SLC8A1: variants seen among roughly 807,000 people sequenced by gnomAD.
The protein encoded by SLC8A1 is solute carrier family 8 member A1.
SLC8A1 carries 18 observed loss-of-function variants against 68.3 expected under a neutral mutation model. The observed-to-expected ratio is 0.26, with a 90% CI of 0.18 to 0.39. SLC8A1 has a LOEUF of 0.39. Ranked by LOEUF, SLC8A1 falls within the 10% of genes least tolerant of loss-of-function variation. SLC8A1 has a pLI of 1.00. For synonymous variants in SLC8A1, 475 were observed against 415.5 expected, an observed-to-expected ratio of 1.14 and a Z score of -1.74; for missense variants, 985 against 1,156.7, an observed-to-expected ratio of 0.85 and a Z score of 2.15.
intron 2 of SLC8A1, among the ~76,000 whole-genome samples, chr2:40,256,619 C>G (rs2063964937): frequency 6.6e-6 from 1 of 152,084 alleles, no homozygotes; most frequent in Admixed American, 6.6e-5. Flanking sequence ...TGCTAAGTAG[C>G]TTCATTTTGT....
chr2:40,103,108 C>T (rs1268507681), exon 8 of SLC8A1: 1 of 152,142 alleles, frequency 6.6e-6, no homozygotes, highest in Non-Finnish European at 1.5e-5. Context: ...GAATATATTA[C>T]TGCTATGAAG....
At chr2:40,352,974 CACTT>C (rs1384686287) in intron 2 of SLC8A1, among the ~76,000 whole-genome samples, 1 of 152,102 alleles carries the variant, frequency 6.6e-6, no homozygotes, top group East Asian at 1.9e-4. Flanking sequence ...GCATAACTCT[CACTT>C]ACGGAAGGTC....
At chr2:40,202,956 T>C (rs1175486716) in intron 2 of SLC8A1, among the ~76,000 whole-genome samples, 1 of 151,870 alleles carries the variant, frequency 6.6e-6, no homozygotes, top group East Asian at 1.9e-4. Flanking sequence ...TTAAAAAGTG[T>C]CCCTGTGATA....
intron 2 of SLC8A1, among the ~76,000 whole-genome samples, chr2:40,273,241 C>T (rs1301492073): frequency 6.6e-6 from 1 of 151,824 alleles, no homozygotes; most frequent in African/African-American, 2.4e-5. Context: ...ATGCCTGGCC[C>T]TCCAAATACT....
intron 4 of SLC8A1, among the ~76,000 whole-genome samples, chr2:40,165,654 G>A (rs2046423900): frequency 1.3e-5 from 2 of 152,170 alleles, no homozygotes; most frequent in South Asian, 4.1e-4. Flanking sequence ...AAACAGGGAG[G>A]GCGAGGGTGA....
chr2:40,452,052 T>G (rs540534549), exon 1 of SLC8A1: 24 of 150,952 alleles, frequency 1.6e-4, no homozygotes, highest in African/African-American at 5.3e-4. Flanking sequence ...GGCGGCGGGC[T>G]GACTACCGTG....
chr2:40,286,347 A>C (rs1338013652), intron 2 of SLC8A1, among the ~76,000 whole-genome samples: 2 of 152,226 alleles, frequency 1.3e-5, no homozygotes, highest in African/African-American at 2.4e-5. Context: ...AGACCAGGAT[A>C]TGAAAGACAG....
chr2:40,179,589 A>T (rs965670849), intron 2 of SLC8A1, among the ~76,000 whole-genome samples: 2 of 152,246 alleles, frequency 1.3e-5, no homozygotes, highest in Non-Finnish European at 2.9e-5. Context: ...TTCCAGTAAC[A>T]TTGGCCAAGT....
At chr2:40,388,322 T>C (rs1199768814) in intron 2 of SLC8A1, among the ~76,000 whole-genome samples, 1 of 152,180 alleles carries the variant, frequency 6.6e-6, no homozygotes, top group Non-Finnish European at 1.5e-5. Flanking sequence ...ATAAGATATA[T>C]AGTTGTTGTT....
exon 8 of SLC8A1, chr2:40,115,242 T>G (rs1220114716): frequency 6.3e-7 from 1 of 1,585,046 alleles, no homozygotes; most frequent in Admixed American, 1.8e-5. Context: ...TTACTATATC[T>G]GATAGTTCCT....
chr2:40,302,119 A>G (rs537013331), intron 2 of SLC8A1, among the ~76,000 whole-genome samples: 4 of 140,070 alleles, frequency 2.9e-5, no homozygotes, highest in Non-Finnish European at 6.2e-5. Flanking sequence ...CTAGTCTTGA[A>G]CTCCTGATCT....
At chr2:40,231,987 T>A (rs773202488) in intron 2 of SLC8A1, among the ~76,000 whole-genome samples, 44 of 152,008 alleles carry the variant, frequency 2.9e-4, no homozygotes, top group Non-Finnish European at 6.3e-4. Flanking sequence ...AGATACAGTT[T>A]CTGAGATGAA....
intron 1 of SLC8A1, among the ~76,000 whole-genome samples, chr2:40,465,513 T>C (rs905236890): frequency 1.3e-5 from 2 of 152,172 alleles, no homozygotes; most frequent in African/African-American, 4.8e-5. Context: ...GGGGTAGTTC[T>C]ACATAATGGA....
chr2:40,169,433 A>G (rs1158473012), intron 4 of SLC8A1, among the ~76,000 whole-genome samples: 3 of 152,162 alleles, frequency 2.0e-5, no homozygotes, highest in Non-Finnish European at 4.4e-5. Flanking sequence ...AGTGACTGAT[A>G]CAGACCCAAA....
At chr2:40,162,076 C>T (rs1049140899) in intron 5 of SLC8A1, among the ~76,000 whole-genome samples, 1 of 152,088 alleles carries the variant, frequency 6.6e-6, no homozygotes, top group African/African-American at 2.4e-5. Context: ...ATGAAAGGGC[C>T]CATCTCCAAC....
intron 2 of SLC8A1, among the ~76,000 whole-genome samples, chr2:40,389,586 C>G (rs963900548): frequency 6.6e-6 from 1 of 151,844 alleles, no homozygotes; most frequent in Non-Finnish European, 1.5e-5. Context: ...TTATGTCCCA[C>G]CAATAAAAAC....
At position 40,325,081 on chromosome 2, in the gene SLC8A1, C is replaced by T. The variant is rs557611018; in HGVS notation, c.1808+103392G>A. Among the ~76,000 whole-genome samples, 9 of 152,138 alleles carry T rather than the reference C, an allele frequency of 5.9e-5. 1 individual carries two copies. In the East Asian group the frequency reaches 1.7e-3, roughly 29 times the overall value. On this transcript the variant is annotated intron_variant, in intron 2 of 7. Transcript: ENST00000406785. Reference sequence around the variant, plus strand: ...ATGATCCAATTTATTTATGTGAAGGCCCACTTCCTCCCCACAGACAGAGTC... The same window carrying T: ...ATGATCCAATTTATTTATGTGAAGGTCCACTTCCTCCCCACAGACAGAGTC...
intron 2 of SLC8A1, among the ~76,000 whole-genome samples, chr2:40,425,678 T>G (rs1485682912): frequency 1.3e-5 from 2 of 151,926 alleles, no homozygotes; most frequent in South Asian, 4.1e-4. Flanking sequence ...TGATGAGATA[T>G]AAATTCATTC....
exon 8 of SLC8A1, chr2:40,102,845 A>C (rs1270793139): frequency 2.6e-5 from 4 of 152,174 alleles, no homozygotes; most frequent in African/African-American, 9.7e-5. Context: ...GATTTATTAA[A>C]ATATGAAAAT....
Sources: gnomAD v4.1 joint callset for allele counts (sites outside exome capture counted in the v4.1 genomes callset) on GRCh38, gnomAD v4.1.1 for gene constraint, MANE v1.5 for transcripts, NCBI Gene and HGNC (gene_info 2026-07-23, HGNC 2026-07-21) for gene names.